Variants in MTA3 observed in about 807,000 individuals in gnomAD.
MTA3 encodes metastasis-associated protein MTA3.
MTA3 carries 34 observed loss-of-function variants against 83.5 expected under a neutral mutation model. The ratio of observed to expected loss-of-function variants is 0.41; its 90% CI spans 0.31 to 0.54. The LOEUF (loss-of-function observed/expected upper bound fraction) is 0.54, where lower values mean the gene tolerates loss of function less well. MTA3 is among the 20% of genes least tolerant of loss of function. The pLI is 0.33. For synonymous variants in MTA3, 303 were observed against 252.7 expected, an observed-to-expected ratio of 1.20 and a Z score of -1.89; for missense variants, 761 against 726.4, an observed-to-expected ratio of 1.05 and a Z score of -0.55.
intron 8 of MTA3, among the ~76,000 whole-genome samples, chr2:42,678,634 G>C (rs1691596745): frequency 6.6e-6 from 1 of 152,114 alleles, no homozygotes; most frequent in African/African-American, 2.4e-5. Flanking sequence ...TGGCCCCAAT[G>C]ATTGATTTTA....
intron 16 of MTA3, among the ~76,000 whole-genome samples, chr2:42,729,414 C>G (rs1341972995): frequency 1.3e-5 from 2 of 151,930 alleles, no homozygotes; most frequent in Non-Finnish European, 2.9e-5. Context: ...AGTTTGAGGT[C>G]TTAGATTGAA....
At chr2:42,673,458 A>C (rs765441549) in intron 8 of MTA3, among the ~76,000 whole-genome samples, 1 of 152,154 alleles carries the variant, frequency 6.6e-6, no homozygotes, top group African/African-American at 2.4e-5. Flanking sequence ...TCAACCTATG[A>C]TGAGTTTTTT....
At chr2:42,654,288 G>T (rs1688964869) in intron 6 of MTA3, among the ~76,000 whole-genome samples, 1 of 152,126 alleles carries the variant, frequency 6.6e-6, no homozygotes, top group Admixed American at 6.6e-5. Context: ...CCTTTCCATT[G>T]ATACCTGCTT....
chr2:42,568,879 G>C (rs1345379235), intron 1 of MTA3, 106 bp downstream of exon 1: 1 of 1,094,790 alleles, frequency 9.1e-7, no homozygotes, highest in Non-Finnish European at 1.1e-6. Context: ...CCGGGGCTGA[G>C]GTCGCAGTGG....
At chr2:42,720,117 G>T (rs1017299002) in intron 15 of MTA3, among the ~76,000 whole-genome samples, 3 of 151,914 alleles carry the variant, frequency 2.0e-5, no homozygotes, top group Admixed American at 6.6e-5. Flanking sequence ...GAGGCTCAAA[G>T]CTTCTTCTTT....
rs58251550 is a variant in MTA3, at chr2:42,662,370, A to T, written c.702+2508A>T. Among the ~76,000 whole-genome samples, 48 of 151,420 alleles carry T rather than the reference A, an allele frequency of 3.2e-4. No homozygotes were observed. In the East Asian group the frequency reaches 4.8e-3, roughly 15 times the overall value. Reference sequence around the variant, plus strand: ...TATTTCTTGTGTCTTGTTTTTTCTAATGGTTTTAAAGTTTTCTTCATATTT... The same window carrying T: ...TATTTCTTGTGTCTTGTTTTTTCTATTGGTTTTAAAGTTTTCTTCATATTT... On this transcript the variant is annotated intron_variant, in intron 8 of 16. Transcript: ENST00000405094.
At chr2:42,566,544 C>T (rs186376634), upstream of MTA3, among the ~76,000 whole-genome samples, 34 of 152,294 alleles carry the variant, frequency 2.2e-4, no homozygotes, top group African/African-American at 7.5e-4. Flanking sequence ...TAGTCCCCTT[C>T]AAGTCTTTGA....
chr2:42,555,448 T>A (rs1379220364), intron 2 of MTA3, among the ~76,000 whole-genome samples: 2 of 58,948 alleles, frequency 3.4e-5, no homozygotes, highest in Admixed American at 3.1e-4. Flanking sequence ...AGAGCGAAAC[T>A]CCATCTCAAA....
At position 42,667,621 on chromosome 2, in the gene MTA3, A is replaced by AAGAGAGAG. The variant is rs70963342; in HGVS notation, c.702+7788_702+7795dup. ...GTGTGTGTGTGTGTATAGAGAGAGAAAGAGAGAGAGAGAGAGAGAGAGAGA... is the reference window on the plus strand; with the variant it reads ...GTGTGTGTGTGTGTATAGAGAGAGAAAGAGAGAGAGAGAGAGAGAGAGAGAGAGAGAGA... On this transcript the variant is annotated intron_variant, in intron 8 of 16. Coordinates refer to ENST00000405094, the MANE Select transcript of MTA3 (RefSeq NM_001330442.2). 2.3e-3 allele frequency among the ~76,000 whole-genome samples: 262 copies of AAGAGAGAG among 114,144 alleles called. 3 individuals are homozygous for AAGAGAGAG. The highest frequency in any genetic ancestry group is 7.9e-3 in the African/African-American group (243 of 30,784). 74.9% of individuals were successfully genotyped at this position (114,144 alleles called of 152,430 possible). A position where few individuals can be genotyped will look rare whatever the true frequency, so the allele number is the denominator to read the frequency against.
chr2:42,565,768 G>A (rs936455133), upstream of MTA3, among the ~76,000 whole-genome samples: 3 of 152,068 alleles, frequency 2.0e-5, no homozygotes, highest in Non-Finnish European at 4.4e-5. Context: ...ATTTTGGGAG[G>A]CTGGGCAGGC....
intron 2 of MTA3, among the ~76,000 whole-genome samples, chr2:42,526,142 A>G (rs1253796066): frequency 1.3e-5 from 2 of 152,166 alleles, no homozygotes; most frequent in Non-Finnish European, 1.5e-5. Flanking sequence ...TAATCCCAAG[A>G]GTCCCATCAC....
At chr2:42,499,135 A>G (rs368387278) in intron 2 of MTA3, among the ~76,000 whole-genome samples, 3 of 152,212 alleles carry the variant, frequency 2.0e-5, no homozygotes, top group Admixed American at 6.5e-5. Context: ...CAATAGTACT[A>G]TAATGCATAC....
At chr2:42,647,929 C>T (rs11678863) in intron 6 of MTA3, among the ~76,000 whole-genome samples, 114,177 of 152,050 alleles carry the variant, frequency 0.75, 43,213 homozygotes, top group South Asian at 0.88. Flanking sequence ...ACCTCCGCCT[C>T]CCAAGTTCAA....
chr2:42,646,666 C>G (rs1351464508), intron 6 of MTA3, among the ~76,000 whole-genome samples: 1 of 152,138 alleles, frequency 6.6e-6, no homozygotes, highest in Non-Finnish European at 1.5e-5. Context: ...TGAATTGCTG[C>G]AATCTTGTGG....
intron 2 of MTA3, among the ~76,000 whole-genome samples, chr2:42,523,354 A>C (rs1310379313): frequency 6.6e-6 from 1 of 152,150 alleles, no homozygotes; most frequent in African/African-American, 2.4e-5. Context: ...CATGATTGGC[A>C]AGAGAGCGGC....
At chr2:42,707,573 T>C (rs1666214560) in intron 12 of MTA3, among the ~76,000 whole-genome samples, 1 of 152,142 alleles carries the variant, frequency 6.6e-6, no homozygotes, top group African/African-American at 2.4e-5. Flanking sequence ...CTACCATCTT[T>C]TTGAGAACCT....
intron 16 of MTA3, among the ~76,000 whole-genome samples, chr2:42,743,387 A>G (rs577744629): frequency 5.9e-5 from 9 of 152,268 alleles, no homozygotes; most frequent in African/African-American, 2.2e-4. Context: ...CCAAAATGAC[A>G]TGGCTTTTTG....
intron 2 of MTA3, among the ~76,000 whole-genome samples, chr2:42,559,630 G>C (rs1032706591): frequency 6.6e-6 from 1 of 151,918 alleles, no homozygotes; most frequent in African/African-American, 2.4e-5. Context: ...TGTAATCCCA[G>C]CACTTTGGGA....
intron 6 of MTA3, among the ~76,000 whole-genome samples, chr2:42,648,646 G>A (rs1193732744): frequency 2.6e-5 from 4 of 152,146 alleles, no homozygotes; most frequent in African/African-American, 4.8e-5. Flanking sequence ...AAAAGAGTAT[G>A]TAGTTTACAA....
Sources: allele counts gnomAD v4.1 joint callset (sites outside exome capture counted in the v4.1 genomes callset), GRCh38; gene constraint gnomAD v4.1.1; transcripts MANE v1.5; gene names NCBI Gene and HGNC (gene_info 2026-07-23, HGNC 2026-07-21).